The following LARGE1 variants were observed in gnomAD, a reference collection of about 807,000 sequenced individuals.
LARGE1 encodes xylosyl- and glucuronyltransferase LARGE1.
Under a neutral mutation model 87.6 loss-of-function variants are expected in LARGE1, and 43 were observed. The observed-to-expected ratio is 0.49, with a 90% CI of 0.38 to 0.63. The LOEUF is 0.63. LARGE1 is among the 30% of genes least tolerant of loss of function. LARGE1 has a pLI of 0.00. For missense variants in LARGE1, 802 were observed against 1,000.2 expected, an observed-to-expected ratio of 0.80 and a Z score of 2.67; for synonymous variants, 434 against 394.6, an observed-to-expected ratio of 1.10 and a Z score of -1.18.
intron 11 of LARGE1, among the ~76,000 whole-genome samples, chr22:33,231,120 A>T (rs1336746887): frequency 6.6e-6 from 1 of 152,254 alleles, no homozygotes; most frequent in Non-Finnish European, 1.5e-5. Context: ...AAACAAAAAC[A>T]GTTCTTATGT....
chr22:33,326,844 G>GC lies in LARGE1; in HGVS notation c.1288-10597dup, dbSNP rs34623674. On this transcript the variant is annotated intron_variant, in intron 10 of 14. Coordinates refer to ENST00000397394, the MANE Select transcript of LARGE1 (RefSeq NM_133642.5). ...GTTGCAGCTGAACAGGATCAAAGCA[G>GC]CCAGGCCACAAGGGGAAACCGTGGC... 4.7e-3 allele frequency among the ~76,000 whole-genome samples: 713 copies of GC among 152,292 alleles called. 4 individuals are homozygous for GC. Among genetic ancestry groups the GC allele is most frequent in the Non-Finnish European group, 7.9e-3 (536 of 68,022 alleles).
chr22:33,292,822 C>T (rs1256854390), intron 12 of LARGE1, among the ~76,000 whole-genome samples: 1 of 152,210 alleles, frequency 6.6e-6, no homozygotes. Context: ...CTTAATTCCA[C>T]TACTTCCCTA....
chr22:33,550,135 T>C (rs1460260362), intron 6 of LARGE1, among the ~76,000 whole-genome samples: 2 of 131,358 alleles, frequency 1.5e-5, no homozygotes, highest in Non-Finnish European at 3.3e-5. Context: ...CCCTAGAACT[T>C]AAAGTATACA....
chr22:33,291,222 C>G (rs995930893), intron 12 of LARGE1, among the ~76,000 whole-genome samples: 27 of 152,128 alleles, frequency 1.8e-4, no homozygotes, highest in African/African-American at 6.3e-4. Context: ...AAGGAAAACT[C>G]TACGACCAAC....
At chr22:33,197,335 T>G (rs892276572) in intron 11 of LARGE1, among the ~76,000 whole-genome samples, 6 of 152,048 alleles carry the variant, frequency 3.9e-5, no homozygotes, top group Non-Finnish European at 8.8e-5. Context: ...CACAAATGTT[T>G]GAAAGGAAGG....
At chr22:33,802,967 G>T (rs2086206446) in intron 1 of LARGE1, among the ~76,000 whole-genome samples, 1 of 152,168 alleles carries the variant, frequency 6.6e-6, no homozygotes, top group African/African-American at 2.4e-5. Context: ...TAGATGGGTG[G>T]GTGAGTGGGT....
intron 7 of LARGE1, among the ~76,000 whole-genome samples, chr22:33,407,741 G>A (rs2066152158): frequency 1.3e-5 from 2 of 152,026 alleles, no homozygotes; most frequent in South Asian, 4.2e-4. Context: ...GTGGACCTCG[G>A]TCAGCAAATT....
chr22:33,541,519 CATGCATTGTTTT>C, intron 6 of LARGE1, among the ~76,000 whole-genome samples: 1 of 152,238 alleles, frequency 6.6e-6, no homozygotes, highest in South Asian at 2.1e-4. Flanking sequence ...CTGATACGGA[CATGCATTGTTTT>C]ATTCATGACA....
intron 9 of LARGE1, among the ~76,000 whole-genome samples, chr22:33,357,390 C>T (rs1189245124): frequency 2.0e-5 from 3 of 152,114 alleles, no homozygotes; most frequent in South Asian, 2.1e-4. Context: ...TGAGTAATTA[C>T]GTAATGGGTA....
chr22:33,706,135 G>A (rs1329955044), intron 2 of LARGE1, among the ~76,000 whole-genome samples: 3 of 152,226 alleles, frequency 2.0e-5, no homozygotes, highest in Non-Finnish European at 2.9e-5. Flanking sequence ...ATGTTGGTTT[G>A]TCTTCCCTGC....
intron 1 of LARGE1, among the ~76,000 whole-genome samples, chr22:33,903,046 C>G (rs539636026): frequency 6.6e-6 from 1 of 152,132 alleles, no homozygotes; most frequent in Admixed American, 6.5e-5. Context: ...GGAGGAGACA[C>G]GCTTGAACCC....
chr22:33,278,030 A>C (rs1017655509), intron 13 of LARGE1, among the ~76,000 whole-genome samples: 1 of 152,176 alleles, frequency 6.6e-6, no homozygotes, highest in African/African-American at 2.4e-5. Context: ...ATTATGGTAC[A>C]TTATATGGCA....
At chr22:33,776,999 A>G (rs1009891027) in intron 1 of LARGE1, among the ~76,000 whole-genome samples, 1 of 152,180 alleles carries the variant, frequency 6.6e-6, no homozygotes, top group Non-Finnish European at 1.5e-5. Flanking sequence ...AGTGTACAGG[A>G]TAGTCAGGCA....
chr22:33,108,789 A>G, the LARGE1 span, among the ~76,000 whole-genome samples: 1 of 152,110 alleles, frequency 6.6e-6, no homozygotes. Flanking sequence ...TTGCATATGT[A>G]TTATGTCATT....
At chr22:33,084,862 T>G in the LARGE1 span, among the ~76,000 whole-genome samples, 1 of 152,242 alleles carries the variant, frequency 6.6e-6, no homozygotes, top group Non-Finnish European at 1.5e-5. Context: ...TTCTTTTTAT[T>G]ATAACAACAT....
intron 3 of LARGE1, among the ~76,000 whole-genome samples, chr22:33,641,357 T>C (rs56687432): frequency 0.014 from 2,092 of 151,828 alleles, 44 homozygotes; most frequent in African/African-American, 0.048. Context: ...CATCAACAAA[T>C]AGGATGCCCA....
intron 2 of LARGE1, among the ~76,000 whole-genome samples, chr22:33,688,508 C>T (rs538402846): frequency 6.6e-6 from 1 of 152,080 alleles, no homozygotes; most frequent in East Asian, 1.9e-4. Flanking sequence ...TGCACCATCA[C>T]GCGCGGCTAA....
At chr22:33,189,536 G>T (rs956316025) in intron 11 of LARGE1, among the ~76,000 whole-genome samples, 14 of 152,170 alleles carry the variant, frequency 9.2e-5, no homozygotes, top group Admixed American at 3.3e-4. Flanking sequence ...CTAGTTGAAA[G>T]AAGGGATAAC....
intron 10 of LARGE1, among the ~76,000 whole-genome samples, chr22:33,318,632 G>A (rs569254876): frequency 7.9e-5 from 12 of 152,166 alleles, no homozygotes; most frequent in Admixed American, 5.9e-4. Flanking sequence ...AGCATTAGGA[G>A]ATATACCTAA....
Sources: gnomAD v4.1 joint callset for allele counts (sites outside exome capture counted in the v4.1 genomes callset) on GRCh38, gnomAD v4.1.1 for gene constraint, MANE v1.5 for transcripts, NCBI Gene and HGNC (gene_info 2026-07-23, HGNC 2026-07-21) for gene names.